TNFSF4: variants seen among roughly 807,000 people sequenced by gnomAD.
TNFSF4 encodes TNF superfamily member 4.
TNFSF4 carries 4 observed loss-of-function variants against 7.3 expected under a neutral mutation model. That is an observed-to-expected ratio of 0.55 (90% CI 0.27 to 1.25). The LOEUF (loss-of-function observed/expected upper bound fraction) is 1.25. Among genes scored for constraint, TNFSF4 ranks in the 50% most tolerant of loss-of-function variants. The pLI, the probability that TNFSF4 is intolerant of heterozygous loss-of-function variation, is 0.12. For synonymous variants in TNFSF4, 76 were observed against 83.7 expected, an observed-to-expected ratio of 0.91 and a Z score of 0.50; for missense variants, 181 against 208.8, an observed-to-expected ratio of 0.87 and a Z score of 0.82.
the TNFSF4 span, among the ~76,000 whole-genome samples, chr1:173,335,495 AGG>A: frequency 6.6e-6 from 1 of 152,192 alleles, no homozygotes; most frequent in Non-Finnish European, 1.5e-5. Flanking sequence ...GCCAAAGGCA[AGG>A]GGGATGTGAT....
At chr1:173,390,049 G>A in the TNFSF4 span, among the ~76,000 whole-genome samples, 1 of 152,042 alleles carries the variant, frequency 6.6e-6, no homozygotes, top group African/African-American at 2.4e-5. Flanking sequence ...GAGATTTTGC[G>A]TATGCTACTA....
chr1:173,313,794 T>C, the TNFSF4 span, among the ~76,000 whole-genome samples: 89 of 152,214 alleles, frequency 5.8e-4, no homozygotes, highest in African/African-American at 2.1e-3. Flanking sequence ...GCTCATTCCT[T>C]ATTTGGAACT....
the TNFSF4 span, among the ~76,000 whole-genome samples, chr1:173,284,855 C>G: frequency 1.3e-5 from 2 of 152,120 alleles, no homozygotes; most frequent in African/African-American, 4.8e-5. Context: ...ACCTGATCAC[C>G]CAAGATACCT....
the TNFSF4 span, among the ~76,000 whole-genome samples, chr1:173,408,373 T>C: frequency 5.2e-3 from 792 of 152,226 alleles, 2 homozygotes; most frequent in Non-Finnish European, 7.6e-3. Context: ...ACCCAATAGA[T>C]AAAATAAGCT....
At chr1:173,338,966 C>T in the TNFSF4 span, among the ~76,000 whole-genome samples, 9 of 152,168 alleles carry the variant, frequency 5.9e-5, no homozygotes, top group Non-Finnish European at 1.2e-4. Context: ...CAAGAGATTC[C>T]TTCAGGCATT....
At chr1:173,310,516 A>T in the TNFSF4 span, among the ~76,000 whole-genome samples, 1 of 151,880 alleles carries the variant, frequency 6.6e-6, no homozygotes. Flanking sequence ...AGAACACCTT[A>T]TTATTTTAAT....
chr1:173,226,395 CT>C, the TNFSF4 span, among the ~76,000 whole-genome samples: 5 of 152,054 alleles, frequency 3.3e-5, no homozygotes, highest in African/African-American at 1.2e-4. Context: ...TCTCTTTTCC[CT>C]TTTTTTGTAC....
chr1:173,303,785 C>T, the TNFSF4 span, among the ~76,000 whole-genome samples: 1 of 151,826 alleles, frequency 6.6e-6, no homozygotes, highest in African/African-American at 2.4e-5. Flanking sequence ...TTATTCTCTA[C>T]ATATGATTAT....
chr1:173,307,160 T>C, the TNFSF4 span, among the ~76,000 whole-genome samples: 1 of 151,884 alleles, frequency 6.6e-6, no homozygotes, highest in Non-Finnish European at 1.5e-5. Flanking sequence ...TCTCTACTTT[T>C]TCCCAAAAAT....
chr1:173,237,485 C>T, the TNFSF4 span, among the ~76,000 whole-genome samples: 1 of 152,190 alleles, frequency 6.6e-6, no homozygotes. Flanking sequence ...TTGCAGATGA[C>T]ATGATTCTAT....
At chr1:173,376,579 AG>A in the TNFSF4 span, among the ~76,000 whole-genome samples, 1 of 152,200 alleles carries the variant, frequency 6.6e-6, no homozygotes, top group African/African-American at 2.4e-5. Context: ...GTCTAGCTAA[AG>A]GTTTGTAAAT....
the TNFSF4 span, among the ~76,000 whole-genome samples, chr1:173,407,630 A>G: frequency 6.6e-6 from 1 of 151,136 alleles, no homozygotes; most frequent in African/African-American, 2.4e-5. Context: ...GTGCTGCTGT[A>G]GATTAAAATC....
the TNFSF4 span, among the ~76,000 whole-genome samples, chr1:173,307,656 CTAAAGTATT>C: frequency 1.7e-4 from 26 of 151,828 alleles, 1 homozygote; most frequent in South Asian, 3.7e-3. Context: ...TCATGAAATA[CTAAAGTATT>C]TAAAGTATTT....
At chr1:173,324,690 CA>C in the TNFSF4 span, among the ~76,000 whole-genome samples, 88 of 151,604 alleles carry the variant, frequency 5.8e-4, no homozygotes, top group Middle Eastern at 6.8e-3. Flanking sequence ...AAATGGAAAA[CA>C]AAAAAAGACA....
the TNFSF4 span, among the ~76,000 whole-genome samples, chr1:173,288,579 G>GT: frequency 6.6e-6 from 1 of 152,078 alleles, no homozygotes; most frequent in Admixed American, 6.6e-5. Context: ...TCATATACAT[G>GT]TGAAATGTTT....
chr1:173,250,466 T>G, the TNFSF4 span, among the ~76,000 whole-genome samples: 236 of 150,474 alleles, frequency 1.6e-3, 1 homozygote, highest in Middle Eastern at 6.8e-3. Flanking sequence ...TTTTTTTGTT[T>G]TTTTTTTTTT....
chr1:173,260,195 T>C, the TNFSF4 span, among the ~76,000 whole-genome samples: 1 of 151,244 alleles, frequency 6.6e-6, no homozygotes, highest in African/African-American at 2.4e-5. Flanking sequence ...TTCAACATTA[T>C]TAAAGAAAAG....
the TNFSF4 span, among the ~76,000 whole-genome samples, chr1:173,449,546 G>T: frequency 6.6e-6 from 1 of 152,034 alleles, no homozygotes; most frequent in Admixed American, 6.6e-5. Flanking sequence ...TAGAGACGGG[G>T]TTTTGCCATG....
intron 1 of TNFSF4, among the ~76,000 whole-genome samples, chr1:173,192,686 C>G (rs1571190370): frequency 6.6e-6 from 1 of 152,042 alleles, no homozygotes; most frequent in African/African-American, 2.4e-5. Flanking sequence ...TACAGTTAAC[C>G]CCAACATTAA....
Sources: gnomAD v4.1 joint callset for allele counts (sites outside exome capture counted in the v4.1 genomes callset) on GRCh38, gnomAD v4.1.1 for gene constraint, MANE v1.5 for transcripts, NCBI Gene and HGNC (gene_info 2026-07-23, HGNC 2026-07-21) for gene names.